Variants in NPIPB2 observed in about 807,000 individuals in gnomAD.
The protein encoded by NPIPB2 is nuclear pore complex-interacting protein family member B2.
NPIPB2 carries 27 observed loss-of-function variants against 30.8 expected under a neutral mutation model. The observed-to-expected ratio is 0.88, with a 90% CI of 0.65 to 1.21. The LOEUF is 1.21. NPIPB2 is among the 50% of genes most tolerant of loss of function. The pLI, the probability that NPIPB2 is intolerant of heterozygous loss-of-function variation, is 0.00. For synonymous variants in NPIPB2, 147 were observed against 162.0 expected (o/e 0.91, Z 0.70); for missense variants, 440 against 446.2 (o/e 0.99, Z 0.13).
intron 1 of NPIPB2, chr16:11,966,304 A>G: frequency 6.2e-7 from 1 of 1,613,802 alleles, no homozygotes; most frequent in Admixed American, 1.7e-5. Flanking sequence ...TAAGGAAGAT[A>G]AACTCTGAAC....
At chr16:11,930,382 T>C (rs1426506413) in intron 5 of NPIPB2, 68 bp downstream of exon 5, 73 of 1,397,628 alleles carry the variant, frequency 5.2e-5, no homozygotes, top group Admixed American at 4.0e-4. Context: ...CTAAACATTG[T>C]ACAAAGGTTA....
exon 8 of NPIPB2, chr16:11,927,389 T>C: frequency 2.2e-6 from 2 of 919,340 alleles, no homozygotes; most frequent in South Asian, 1.4e-5. Flanking sequence ...TTGAGTGCAA[T>C]GGCCTGTTCT....
intron 2 of NPIPB2, 29 bp downstream of exon 2, chr16:11,937,511 A>G: frequency 7.9e-7 from 1 of 1,266,790 alleles, no homozygotes; most frequent in South Asian, 1.2e-5. Context: ...GATTACAAGT[A>G]TACCTCTACA....
intron 1 of NPIPB2, among the ~76,000 whole-genome samples, chr16:11,951,090 G>C (rs17810367): frequency 0.12 from 17,485 of 151,734 alleles, 1,318 homozygotes; most frequent in South Asian, 0.2. Flanking sequence ...TGTCAAACTG[G>C]CTTCAGTTAG....
chr16:11,956,493 T>A (rs1013865417), intron 1 of NPIPB2, among the ~76,000 whole-genome samples: 2 of 152,128 alleles, frequency 1.3e-5, no homozygotes, highest in Admixed American at 6.6e-5. Context: ...CTGACCAACA[T>A]GGTGAAACCC....
chr16:11,960,177 C>T (rs538703434), intron 1 of NPIPB2, among the ~76,000 whole-genome samples: 15 of 152,284 alleles, frequency 9.9e-5, no homozygotes, highest in African/African-American at 2.4e-4. Flanking sequence ...CTCCCAGTGA[C>T]GAACAGTTCT....
rs753747723 is a variant in NPIPB2 at position 11,933,783 on chromosome 16, C to A, written c.292+42G>T. On this transcript the variant is annotated intron_variant, in intron 3 of 7. Transcript: ENST00000399147. ...GAAGCTGTTCTTTCCCTTTCCAGGG[C>A]AAACTCATTTCCACACTATGGGGAC... The A allele has an allele frequency of 9.4e-6, 15 of 1,594,232 alleles. No homozygotes were observed. The Admixed American group carries it at 2.5e-4, about 27-fold the overall frequency.
chr16:11,947,518 G>C (rs2055023937), intron 1 of NPIPB2, among the ~76,000 whole-genome samples: 1 of 151,176 alleles, frequency 6.6e-6, no homozygotes, highest in South Asian at 2.1e-4. Flanking sequence ...CTAATTTTTT[G>C]TACTTTTAGT....
At chr16:11,941,603 G>A (rs886513464) in intron 1 of NPIPB2, among the ~76,000 whole-genome samples, 4 of 112,688 alleles carry the variant, frequency 3.5e-5, no homozygotes, top group African/African-American at 1.6e-4. Context: ...GCAATTAGAG[G>A]GAGACAAAGG....
intron 2 of NPIPB2, among the ~76,000 whole-genome samples, chr16:11,935,628 T>A (rs2054855489): frequency 6.6e-6 from 1 of 151,938 alleles, no homozygotes; most frequent in Non-Finnish European, 1.5e-5. Flanking sequence ...ATAATATCTT[T>A]CAAATTCTTT....
At chr16:11,953,211 T>C (rs1308013177) in intron 1 of NPIPB2, among the ~76,000 whole-genome samples, 1 of 152,198 alleles carries the variant, frequency 6.6e-6, no homozygotes, top group Non-Finnish European at 1.5e-5. Context: ...AGTGGCGCAA[T>C]GTTGGCTCAC....
At chr16:11,948,039 C>G (rs1304959336) in intron 1 of NPIPB2, among the ~76,000 whole-genome samples, 2 of 149,676 alleles carry the variant, frequency 1.3e-5, no homozygotes, top group African/African-American at 4.9e-5. Context: ...ATTCTCCAGC[C>G]CGTTATCCAC....
chr16:11,934,260 A>ACACACACACACACAC, intron 2 of NPIPB2, among the ~76,000 whole-genome samples: 2 of 137,664 alleles, frequency 1.5e-5, no homozygotes, highest in African/African-American at 5.4e-5. Flanking sequence ...ACACACACAT[A>ACACACACACACACAC]AGAATGACAT....
At chr16:11,974,730 C>G (rs1167615155) in intron 1 of NPIPB2, among the ~76,000 whole-genome samples, 2 of 152,068 alleles carry the variant, frequency 1.3e-5, no homozygotes, top group African/African-American at 4.8e-5. Context: ...TGGGAAAATA[C>G]TCCTTCAGTC....
At chr16:11,975,815 T>G (rs2055285679) in intron 1 of NPIPB2, among the ~76,000 whole-genome samples, 1 of 151,928 alleles carries the variant, frequency 6.6e-6, no homozygotes, top group Admixed American at 6.6e-5. Flanking sequence ...GGAATCGAAC[T>G]TCTGACCTCA....
chr16:11,962,276 C>T (rs568941963), intron 1 of NPIPB2, among the ~76,000 whole-genome samples: 14 of 147,928 alleles, frequency 9.5e-5, no homozygotes, highest in South Asian at 4.3e-4. Flanking sequence ...CGAGGCGGGT[C>T]GATCACGAGG....
chr16:11,945,313 C>T (rs145905677), upstream of NPIPB2, among the ~76,000 whole-genome samples: 267 of 152,094 alleles, frequency 1.8e-3, 1 homozygote, highest in African/African-American at 6.1e-3. Context: ...GCCAGGAGTT[C>T]GAGGCTGCAG....
intron 1 of NPIPB2, among the ~76,000 whole-genome samples, chr16:11,962,415 T>A (rs576454828): frequency 1.3e-5 from 2 of 151,734 alleles, no homozygotes; most frequent in African/African-American, 4.8e-5. Context: ...GAGACCATCC[T>A]GGCTAAGATG....
chr16:11,965,953 T>C (rs559801651), intron 1 of NPIPB2, among the ~76,000 whole-genome samples: 2 of 152,034 alleles, frequency 1.3e-5, no homozygotes, highest in South Asian at 4.2e-4. Flanking sequence ...CTACTAAAAA[T>C]ACAAAAAATT....
Sources: allele counts gnomAD v4.1 joint callset (sites outside exome capture counted in the v4.1 genomes callset), GRCh38; gene constraint gnomAD v4.1.1; transcripts MANE v1.5; gene names NCBI Gene and HGNC (gene_info 2026-07-23, HGNC 2026-07-21).